ITSN1: variants seen among roughly 807,000 people sequenced by gnomAD.
The protein encoded by ITSN1 is intersectin-1.
In ITSN1, 58 loss-of-function variants were observed where a neutral mutation model predicts 239.8. The observed-to-expected ratio is 0.24, with a 90% confidence interval of 0.20 to 0.30. ITSN1 has a LOEUF of 0.30. ITSN1 is among the 10% of genes least tolerant of loss of function. The pLI, the probability that ITSN1 is intolerant of heterozygous loss-of-function variation, is 1.00. For synonymous variants in ITSN1, 780 were observed against 770.8 expected (o/e 1.01, Z -0.20); for missense variants, 1,558 against 2,103.3 (o/e 0.74, Z 5.07).
At chr21:33,672,225 A>G (rs552506881) in intron 1 of ITSN1, among the ~76,000 whole-genome samples, 1 of 152,344 alleles carries the variant, frequency 6.6e-6, no homozygotes, top group African/African-American at 2.4e-5. Context: ...CTAAAAAAAA[A>G]AAAAGAATTG....
At chr21:33,777,030 G>C (rs775475365) in intron 14 of ITSN1, among the ~76,000 whole-genome samples, 2 of 151,110 alleles carry the variant, frequency 1.3e-5, no homozygotes, top group Non-Finnish European at 2.9e-5. Flanking sequence ...GAAGTTTTTG[G>C]GGCTTAAAAA....
At chr21:33,883,280 TA>T (rs2091422211) in intron 35 of ITSN1, among the ~76,000 whole-genome samples, 2 of 152,192 alleles carry the variant, frequency 1.3e-5, no homozygotes, top group Non-Finnish European at 2.9e-5. Flanking sequence ...TTGTAATATG[TA>T]AAAGTTGATG....
intron 14 of ITSN1, among the ~76,000 whole-genome samples, chr21:33,780,187 G>A (rs1025613916): frequency 6.6e-5 from 10 of 152,156 alleles, no homozygotes; most frequent in Admixed American, 4.6e-4. Context: ...TAGGGATGAA[G>A]GCCATGTGTT....
In ITSN1 at chr21:33,774,842, A is replaced by G; in HGVS notation, c.1419A>G (p.Ala473=). The part of the protein sequence containing the change: ...KEQEDIVVLK[A]KKKTLEFELE... ...AAGAGGACATAGTTGTACTGAAAGC[A>G]AAGAAAAAGACTTTGGAATTTGAAT... is the stretch of plus-strand genomic sequence containing the variant. Residue 473 remains alanine (A), a synonymous_variant, in exon 13 of 40, where the codon GCA becomes GCG. Transcript: ENST00000381318. 6.2e-7 allele frequency: 1 copy of G among 1,613,178 alleles called. No homozygotes were observed. Among genetic ancestry groups the G allele is most frequent in the African/African-American group, 1.3e-5 (1 of 74,976 alleles).
At chr21:33,772,015 G>T (rs1402067821) in intron 11 of ITSN1, 46 bp from the exon 12 acceptor site, 3 of 1,596,072 alleles carry the variant, frequency 1.9e-6, no homozygotes, top group African/African-American at 1.4e-5. Context: ...AAAAGAGTCC[G>T]TTGAAAATCT....
rs776330087 is a variant in ITSN1 at position 33,775,012 on chromosome 21, A to G, written c.1500A>G (p.Arg500=). The change falls in exon 14 of 40, where the codon AGA becomes AGG. Residue 500 remains arginine (R), a synonymous_variant. Coordinates refer to ENST00000381318, the MANE Select transcript of ITSN1 (RefSeq NM_003024.3). ...HQLEGKLQDI[R]CRLTTQRQEI... is the part of the protein sequence containing the mutation. Reference sequence around the variant, plus strand: ...TAGAAGGGAAACTTCAAGATATCAGATGTCGATTGACCACCCAAAGGCAAG... The same window carrying G: ...TAGAAGGGAAACTTCAAGATATCAGGTGTCGATTGACCACCCAAAGGCAAG... 8 of 1,613,886 alleles carry G rather than the reference A, an allele frequency of 5.0e-6. No individual in the cohort carries two copies. Among genetic ancestry groups the G allele is most frequent in the Admixed American group, 1.7e-5 (1 of 60,012 alleles).
chr21:33,758,849 A>G (rs565288237), intron 8 of ITSN1, among the ~76,000 whole-genome samples: 18 of 152,116 alleles, frequency 1.2e-4, no homozygotes, highest in Non-Finnish European at 2.5e-4. Flanking sequence ...ATGTTCCCTT[A>G]TAAGCCAGTA....
intron 1 of ITSN1, among the ~76,000 whole-genome samples, chr21:33,692,451 CT>C (rs2091591232): frequency 6.6e-6 from 1 of 152,192 alleles, no homozygotes; most frequent in Admixed American, 6.5e-5. Context: ...TTTAAAATTA[CT>C]CATGGTCTTG....
chr21:33,716,549 T>G (rs944125910), intron 1 of ITSN1: 2 of 152,098 alleles, frequency 1.3e-5, no homozygotes, highest in African/African-American at 4.8e-5. Context: ...GGTGTCCCAA[T>G]GAAAAGGTAA....
At chr21:33,703,199 G>T (rs1047753552) in intron 1 of ITSN1, among the ~76,000 whole-genome samples, 5 of 150,276 alleles carry the variant, frequency 3.3e-5, no homozygotes, top group Non-Finnish European at 5.9e-5. Context: ...TATATATAAA[G>T]AAATAAAGTT....
intron 11 of ITSN1, among the ~76,000 whole-genome samples, chr21:33,769,350 C>A (rs1422845333): frequency 1.3e-5 from 2 of 152,092 alleles, no homozygotes; most frequent in Non-Finnish European, 2.9e-5. Context: ...AGGAATATTG[C>A]CAGATGCTGG....
At chr21:33,806,551 A>G (rs1443428836) in intron 20 of ITSN1, among the ~76,000 whole-genome samples, 1 of 152,260 alleles carries the variant, frequency 6.6e-6, no homozygotes. Flanking sequence ...TTGAAGCTGA[A>G]GTGGCTGCTG....
intron 21 of ITSN1, 119 bp from the exon 22 acceptor site, chr21:33,813,794 T>C (rs2073080846): frequency 1.3e-6 from 1 of 783,116 alleles, no homozygotes; most frequent in Non-Finnish European, 2.0e-6. Context: ...TTACTGTGGG[T>C]AAAAAGCTGG....
At chr21:33,812,785 C>T (rs2073002056) in intron 21 of ITSN1, among the ~76,000 whole-genome samples, 1 of 152,158 alleles carries the variant, frequency 6.6e-6, no homozygotes, top group Admixed American at 6.5e-5. Flanking sequence ...AGGTATCAGC[C>T]ACCATGCCCA....
At position 33,817,485 on chromosome 21, in the gene ITSN1, T is replaced by C. The variant is rs1055334330; in HGVS notation, c.2728-782T>C. ...GAATTCATCCCTGTTTTCTCTTTAT[T>C]CCTGCAGTGAATAGTAGGAACTCCT... On this transcript the variant is annotated intron_variant, in intron 22 of 39. Coordinates refer to ENST00000381318, the MANE Select transcript of ITSN1 (RefSeq NM_003024.3). 1.8e-5 allele frequency: 24 copies of C among 1,304,386 alleles called. No homozygotes were observed. The African/African-American group carries it at 2.9e-4, about 16-fold the overall frequency. The allele number at this position is 1,304,386 out of a possible 1,614,324, so 80.8% of individuals were successfully genotyped here.
intron 5 of ITSN1, among the ~76,000 whole-genome samples, chr21:33,737,699 G>A (rs192035874): frequency 2.6e-5 from 4 of 152,016 alleles, no homozygotes; most frequent in East Asian, 3.9e-4. Flanking sequence ...TCAGCCTCCC[G>A]AGTAGCTGGG....
Position 33,823,616 on chromosome 21 carries a change from T to C in ITSN1, c.3146T>C (p.Val1049Ala), listed in dbSNP as rs747205867. The change falls in exon 25 of 40, where the codon GTC becomes GCC. Residue 1049 changes from valine to alanine, a missense_variant. Physicochemically the swap from Val to Ala is moderately conservative, Grantham distance 64. This residue lies in a region of ITSN1 where 576 missense variants were observed against 893.3 expected (regional missense o/e 0.64). Transcript: ENST00000381318. ...GGAACAGTGGGCGACAAGGCCGGAGTCTTCCCTTCTAACTATGTGAGGCTT... is the reference window on the plus strand; with the variant it reads ...GGAACAGTGGGCGACAAGGCCGGAGCCTTCCCTTCTAACTATGTGAGGCTT... ...WTGTVGDKAG[V>A]FPSNYVRLKD... The C allele has an allele frequency of 1.9e-6, 3 of 1,613,778 alleles. No homozygotes were observed. The highest frequency in any genetic ancestry group is 1.3e-5 in the African/African-American group (1 of 74,794).
chr21:33,790,655 GTTTGT>G (rs2071050567), intron 16 of ITSN1, among the ~76,000 whole-genome samples: 1 of 152,106 alleles, frequency 6.6e-6, no homozygotes, highest in African/African-American at 2.4e-5. Flanking sequence ...GTGGTAATTT[GTTTGT>G]TTTCTTTCTG....
In ITSN1 at chr21:33,895,777, C is replaced by A; in HGVS notation, c.*7477C>A. 6.6e-6 allele frequency: 1 copy of A among 152,428 alleles called. No homozygotes were observed. Among genetic ancestry groups the A allele is most frequent in the Non-Finnish European group, 1.5e-5 (1 of 68,092 alleles). The allele number at this position is 152,428 out of a possible 1,614,324, so 9.4% of individuals were successfully genotyped here. A position where few individuals can be genotyped will look rare whatever the true frequency, so the allele number is the denominator to read the frequency against. On this transcript the variant is annotated 3_prime_UTR_variant, in exon 40 of 40. Coordinates refer to ENST00000381318, the MANE Select transcript of ITSN1 (RefSeq NM_003024.3). ...CCTAGGGGGATGCATGGCTCTGTGCCTTGGAGAGGGAAACAGGAAATACGT... is the reference window on the plus strand; with the variant it reads ...CCTAGGGGGATGCATGGCTCTGTGCATTGGAGAGGGAAACAGGAAATACGT...
Sources: gnomAD v4.1 joint callset for allele counts (sites outside exome capture counted in the v4.1 genomes callset) on GRCh38, gnomAD v4.1.1 for gene constraint, gnomAD v4.1.1 regional missense constraint, MANE v1.5 for transcripts, NCBI Gene and HGNC (gene_info 2026-07-23, HGNC 2026-07-21) for gene names.